The following P2RY8 variants were observed in gnomAD, a reference collection of about 807,000 sequenced individuals.
P2RY8 encodes the protein P2Y receptor family member 8, also known as S-geranylgeranyl-glutathione receptor P2RY8.
P2RY8 carries 6 observed loss-of-function variants against 10.0 expected under a neutral mutation model. The observed-to-expected ratio is 0.60, with a 90% CI of 0.33 to 1.19. P2RY8 has a LOEUF of 1.19. Among genes scored for constraint, P2RY8 ranks in the 50% most tolerant of loss-of-function variants. P2RY8 has a pLI of 0.04. For missense variants in P2RY8, 456 were observed against 542.0 expected, an observed-to-expected ratio of 0.84 and a Z score of 1.58; for synonymous variants, 276 against 252.5, an observed-to-expected ratio of 1.09 and a Z score of -0.88.
chrX:1,484,913 A>AAGCTGG (rs2091973487), intron 1 of P2RY8, among the ~76,000 whole-genome samples: 1 of 151,330 alleles, frequency 6.6e-6, no homozygotes, highest in Non-Finnish European at 1.5e-5. Context: ...TCCTAGGTAA[A>AAGCTGG]AGCTGGAGAC....
At chrX:1,509,741 G>GTATCTATGTATCTATCTATC (rs1569538147) in intron 1 of P2RY8, among the ~76,000 whole-genome samples, 1 of 39,012 alleles carries the variant, frequency 2.6e-5, no homozygotes, top group South Asian at 8.4e-4. Flanking sequence ...ATCTATCTAT[G>GTATCTATGTATCTATCTATC]TATCTATCTG....
chrX:1,509,708 T>C (rs2092280107), intron 1 of P2RY8, among the ~76,000 whole-genome samples: 1 of 125,594 alleles, frequency 8.0e-6, no homozygotes, highest in Non-Finnish European at 1.7e-5. Flanking sequence ...ATCCATCCAT[T>C]TATTCTATCT....
chrX:1,511,389 A>G (rs1417728434), intron 1 of P2RY8, among the ~76,000 whole-genome samples: 1 of 152,174 alleles, frequency 6.6e-6, no homozygotes, highest in African/African-American at 2.4e-5. Context: ...TGGTCATCTC[A>G]TTCAACATAA....
chrX:1,487,849 G>GC (rs2092000356), intron 1 of P2RY8, among the ~76,000 whole-genome samples: 1 of 152,152 alleles, frequency 6.6e-6, no homozygotes. Context: ...GGTGGCTCAC[G>GC]CCTGTCATCC....
intron 1 of P2RY8, among the ~76,000 whole-genome samples, chrX:1,522,844 G>A (rs1472972473): frequency 1.3e-5 from 2 of 151,568 alleles, no homozygotes; most frequent in Admixed American, 6.6e-5. Context: ...TAAGACAGGC[G>A]GATCACTCGA....
intron 1 of P2RY8, among the ~76,000 whole-genome samples, chrX:1,509,894 G>A (rs369749868): frequency 6.8e-6 from 1 of 147,932 alleles, no homozygotes; most frequent in African/African-American, 2.5e-5. Flanking sequence ...ATCTATCTAT[G>A]TATGTATCTA....
intron 1 of P2RY8, among the ~76,000 whole-genome samples, chrX:1,518,318 C>T (rs1460186291): frequency 1.3e-5 from 2 of 149,730 alleles, no homozygotes. Flanking sequence ...CCCAGCTACT[C>T]GGGAGGCTGA....
At chrX:1,498,405 CAAAA>C (rs1175667773) in intron 1 of P2RY8, among the ~76,000 whole-genome samples, 2 of 70,624 alleles carry the variant, frequency 2.8e-5, no homozygotes, top group Admixed American at 1.4e-4. Context: ...GACTCTGTCT[CAAAA>C]AAAAAAAAAA....
At chrX:1,488,472 C>G (rs1244365740) in intron 1 of P2RY8, among the ~76,000 whole-genome samples, 2 of 152,166 alleles carry the variant, frequency 1.3e-5, no homozygotes, top group African/African-American at 4.8e-5. Flanking sequence ...TCCTGTGATT[C>G]CTCTGGCCCA....
At chrX:1,524,072 T>A (rs764777568) in intron 1 of P2RY8, among the ~76,000 whole-genome samples, 5 of 152,186 alleles carry the variant, frequency 3.3e-5, no homozygotes, top group South Asian at 4.1e-4. Context: ...GGTGACTGAG[T>A]TTTTTGGCAT....
chrX:1,532,729 C>A (rs1430561031), intron 1 of P2RY8, among the ~76,000 whole-genome samples: 4 of 151,768 alleles, frequency 2.6e-5, no homozygotes, highest in African/African-American at 9.7e-5. Context: ...CGGCCGGATG[C>A]GGTGGCTCAC....
At chrX:1,473,199 GGATGGATAGATGAGTAGGTA>G (rs1216247652) in intron 1 of P2RY8, among the ~76,000 whole-genome samples, 7 of 126,390 alleles carry the variant, frequency 5.5e-5, no homozygotes, top group African/African-American at 1.2e-4. Context: ...ATGGGTGGGT[GGATGGATAGATGAGTAGGTA>G]GATGGATAGA....
At chrX:1,482,059 C>A (rs2091941283) in intron 1 of P2RY8, among the ~76,000 whole-genome samples, 1 of 152,132 alleles carries the variant, frequency 6.6e-6, no homozygotes, top group Non-Finnish European at 1.5e-5. Flanking sequence ...TTCTGTATCT[C>A]ATTCTCAGAG....
chrX:1,527,656 C>CTTCA (rs1233027262), intron 1 of P2RY8, among the ~76,000 whole-genome samples: 35 of 151,176 alleles, frequency 2.3e-4, no homozygotes, highest in African/African-American at 7.8e-4. Context: ...CCAATCATCC[C>CTTCA]TTCATTCATT....
At chrX:1,531,328 C>T (rs1369366162) in intron 1 of P2RY8, among the ~76,000 whole-genome samples, 4 of 152,204 alleles carry the variant, frequency 2.6e-5, no homozygotes, top group Admixed American at 2.6e-4. Flanking sequence ...AGCAGACAGC[C>T]TGTGCCTTTT....
intron 1 of P2RY8, among the ~76,000 whole-genome samples, chrX:1,496,553 A>G (rs1441194842): frequency 6.6e-6 from 1 of 151,694 alleles, no homozygotes; most frequent in Non-Finnish European, 1.5e-5. Flanking sequence ...GTCCTCTACT[A>G]TTTTCCTGGA....
At chrX:1,524,592 TCCATTCATCCATCTA>T (rs2092421394) in intron 1 of P2RY8, among the ~76,000 whole-genome samples, 1 of 139,496 alleles carries the variant, frequency 7.2e-6, no homozygotes, top group Non-Finnish European at 1.6e-5. Flanking sequence ...CATCCATCCA[TCCATTCATCCATCTA>T]TCCATCCATC....
chrX:1,526,443 G>A (rs5948939), intron 1 of P2RY8, among the ~76,000 whole-genome samples: 111,380 of 148,954 alleles, frequency 0.75, 41,815 homozygotes, highest in East Asian at 0.98. Flanking sequence ...TCATTCATTC[G>A]CTCATTTATT....
intron 1 of P2RY8, among the ~76,000 whole-genome samples, chrX:1,481,963 C>G (rs1332273792): frequency 6.6e-6 from 1 of 152,154 alleles, no homozygotes; most frequent in Non-Finnish European, 1.5e-5. Flanking sequence ...GTTTGCCCAG[C>G]GAGATTTGCA....
Sources: gnomAD v4.1 joint callset for allele counts (sites outside exome capture counted in the v4.1 genomes callset) on GRCh38, gnomAD v4.1.1 for gene constraint, MANE v1.5 for transcripts, NCBI Gene and HGNC (gene_info 2026-07-23, HGNC 2026-07-21) for gene names.